Variants in TMPRSS9 observed in about 807,000 individuals in gnomAD.
TMPRSS9 encodes transmembrane protease serine 9.
TMPRSS9 carries 113 observed loss-of-function variants against 111.4 expected under a neutral mutation model. The observed-to-expected ratio is 1.01, with a 90% CI of 0.87 to 1.19. The LOEUF (loss-of-function observed/expected upper bound fraction) is 1.19, where lower values mean the gene tolerates loss of function less well. Ranked by LOEUF, TMPRSS9 falls within the 50% of genes most tolerant of loss-of-function variation. TMPRSS9 has a pLI of 0.00. For missense variants in TMPRSS9, 1,803 were observed against 1,513.1 expected (o/e 1.19, Z -3.18); for synonymous variants, 805 against 659.1 (o/e 1.22, Z -3.39).
intron 2 of TMPRSS9, 80 bp from the exon 4 acceptor site, chr19:2,398,715 C>G (rs1228564534): frequency 2.3e-5 from 24 of 1,049,250 alleles, no homozygotes; most frequent in Non-Finnish European, 2.9e-5. Flanking sequence ...CCAGCTCCCT[C>G]CAACACCTGA....
chr19:2,385,731 GTCCTA>G (rs1197244035), upstream of TMPRSS9, among the ~76,000 whole-genome samples: 1 of 152,000 alleles, frequency 6.6e-6, no homozygotes, highest in Admixed American at 6.6e-5. Flanking sequence ...CATGCCTGTA[GTCCTA>G]TCTACTCTGG....
intron 4 of TMPRSS9, among the ~76,000 whole-genome samples, chr19:2,399,505 G>A (rs1970784153): frequency 6.6e-6 from 1 of 152,202 alleles, no homozygotes; most frequent in African/African-American, 2.4e-5. Context: ...CAACCTGGGA[G>A]GCGGAGGTTG....
intron 2 of TMPRSS9, among the ~76,000 whole-genome samples, chr19:2,397,736 A>G (rs1353552708): frequency 6.6e-6 from 1 of 151,618 alleles, no homozygotes; most frequent in Non-Finnish European, 1.5e-5. Context: ...CCTGAGCAAC[A>G]TGACAAAATC....
At chr19:2,424,953 C>A in intron 15 of TMPRSS9, 49 bp from the exon 17 acceptor site, 1 of 1,410,232 alleles carries the variant, frequency 7.1e-7, no homozygotes, top group Non-Finnish European at 9.2e-7. Flanking sequence ...GGGGCGGGGG[C>A]CGGGGGCGTG....
At chr19:2,392,397 T>G (rs894518970) in intron 1 of TMPRSS9, among the ~76,000 whole-genome samples, 10 of 147,666 alleles carry the variant, frequency 6.8e-5, no homozygotes, top group African/African-American at 1.5e-4. Context: ...TGATAAAAAA[T>G]AAAAAAGAAA....
At chr19:2,379,617 CTTTCTTT>C (rs1970366838) in intron 1 of TMPRSS9, among the ~76,000 whole-genome samples, 1 of 103,892 alleles carries the variant, frequency 9.6e-6, no homozygotes, top group Non-Finnish European at 2.0e-5. Context: ...CTTTCTTTCT[CTTTCTTT>C]CTTTCTTTCT....
intron 4 of TMPRSS9, among the ~76,000 whole-genome samples, chr19:2,400,631 C>T (rs936230144): frequency 9.2e-5 from 14 of 151,874 alleles, no homozygotes; most frequent in African/African-American, 2.4e-4. Context: ...CAAAATTGTA[C>T]GGTGCAGCAG....
chr19:2,406,717 A>G (rs1337853317), intron 7 of TMPRSS9, among the ~76,000 whole-genome samples: 1 of 151,350 alleles, frequency 6.6e-6, no homozygotes, highest in Non-Finnish European at 1.5e-5. Flanking sequence ...TTTCTCGGTG[A>G]CCAATGACAT....
chr19:2,424,277 AATGCCCCTAC>A lies in TMPRSS9; in HGVS notation c.2717+24_2717+33del. 7.4e-7 allele frequency: 1 copy of A among 1,343,850 alleles called. No individual in the cohort carries two copies. The highest frequency in any genetic ancestry group is 2.8e-5 in the East Asian group (1 of 35,604). 83.2% of individuals were successfully genotyped at this position (1,343,850 alleles called of 1,614,324 possible). A position where few individuals can be genotyped will look rare whatever the true frequency, so the allele number is the denominator to read the frequency against. Reference sequence around the variant, plus strand: ...CGACGTGTGAGTTCCAAACGCTCCAAATGCCCCTACATGTCTCTGTAGCTCACCCGGAACC... The same window carrying A: ...CGACGTGTGAGTTCCAAACGCTCCAAATGTCTCTGTAGCTCACCCGGAACC... On this transcript the variant is annotated intron_variant, in intron 15 of 17. Transcript: ENST00000648592.
chr19:2,396,401 G>T (rs1458836510), intron 1 of TMPRSS9, 138 bp from the exon 3 acceptor site: 2 of 1,013,526 alleles, frequency 2.0e-6, no homozygotes, highest in Non-Finnish European at 2.7e-6. Flanking sequence ...TATCACGGGG[G>T]CGTCGACCAC....
In TMPRSS9 at chr19:2,405,279, G is replaced by A. The variant is rs2145337570; in HGVS notation, c.671-95G>A. 1.9e-5 allele frequency: 27 copies of A among 1,440,552 alleles called. No homozygotes were observed. In the South Asian group the frequency reaches 3.5e-4, roughly 18 times the overall value. The allele number at this position is 1,440,552 out of a possible 1,614,324, so 89.2% of individuals were successfully genotyped here. A position where few individuals can be genotyped will look rare whatever the true frequency, so the allele number is the denominator to read the frequency against. ...CCCCAAGCATCTCTTTGAACTTAGG[G>A]ACTGTAGACGAGAGACTCAGAGATG... On this transcript the variant is annotated intron_variant, in intron 6 of 17. Transcript: ENST00000648592.
intron 2 of TMPRSS9, among the ~76,000 whole-genome samples, chr19:2,398,014 G>A (rs1014318272): frequency 6.8e-6 from 1 of 147,868 alleles, no homozygotes; most frequent in Admixed American, 6.7e-5. Flanking sequence ...CTCCCGAGTA[G>A]CTGGGAGTGC....
At chr19:2,403,734 C>T (rs1970905522) in intron 6 of TMPRSS9, among the ~76,000 whole-genome samples, 1 of 151,794 alleles carries the variant, frequency 6.6e-6, no homozygotes, top group Admixed American at 6.6e-5. Context: ...TGGCTCACAC[C>T]TGTAATCCCA....
At chr19:2,415,641 C>A in intron 10 of TMPRSS9, 29 bp from the exon 12 acceptor site, 1 of 1,539,134 alleles carries the variant, frequency 6.5e-7, no homozygotes, top group Non-Finnish European at 8.8e-7. Context: ...GCCAAGATCC[C>A]CAGACCTGGT....
intron 1 of TMPRSS9, among the ~76,000 whole-genome samples, chr19:2,394,716 G>A (rs1473969153): frequency 3.3e-5 from 5 of 152,112 alleles, no homozygotes; most frequent in African/African-American, 7.2e-5. Flanking sequence ...TAGGATAAAC[G>A]GAATTGGGAC....
chr19:2,406,042 G>C (rs1348148706), intron 7 of TMPRSS9, among the ~76,000 whole-genome samples: 1 of 122,940 alleles, frequency 8.1e-6, no homozygotes, highest in Admixed American at 9.6e-5. Flanking sequence ...ATGGAGTCTC[G>C]CTCTGTCACC....
At chr19:2,402,980 T>A in intron 5 of TMPRSS9, 102 bp from the exon 7 acceptor site, 1 of 811,388 alleles carries the variant, frequency 1.2e-6, no homozygotes, top group Non-Finnish European at 2.1e-6. Flanking sequence ...AGAGAGAGTT[T>A]CCACATTTCC....
At chr19:2,384,812 CAA>C (rs1176243923), upstream of TMPRSS9, among the ~76,000 whole-genome samples, 71 of 94,320 alleles carry the variant, frequency 7.5e-4, no homozygotes, top group African/African-American at 7.5e-4. Flanking sequence ...AAGGCTCCGT[CAA>C]AAAAAAAAAA....
Position 2,405,451 on chromosome 19 carries a change from TG to T in TMPRSS9, c.750del (p.Trp250CysfsTer83), listed in dbSNP as rs745819053. The stretch of plus-strand genomic sequence containing the variant: ...GGAAGCATCCCCGGGGGAGTTTCCG[TG>T]GCAAGCCAGCCTTCGAGAGAACAAG... On this transcript the variant is annotated frameshift_variant, in exon 7 of 18. Coordinates refer to ENST00000648592, the Ensembl canonical transcript of TMPRSS9. LOFTEE classifies it high-confidence loss of function. The T allele has an allele frequency of 1.3e-5, 21 of 1,607,934 alleles. No individual in the cohort carries two copies. Among genetic ancestry groups the T allele is most frequent in the Non-Finnish European group, 1.8e-5 (21 of 1,178,146 alleles).
Sources: gnomAD v4.1 joint callset for allele counts (sites outside exome capture counted in the v4.1 genomes callset) on GRCh38, gnomAD v4.1.1 for gene constraint, MANE v1.5 for transcripts, NCBI Gene and HGNC (gene_info 2026-07-23, HGNC 2026-07-21) for gene names.